Variants in ADK observed in about 807,000 individuals in gnomAD.
ADK encodes the protein N6,N6-dimethyladenosine kinase.
In ADK, 24 loss-of-function variants were observed where a neutral mutation model predicts 44.7. That is an observed-to-expected ratio of 0.54 (90% CI 0.39 to 0.76). The LOEUF (loss-of-function observed/expected upper bound fraction) is 0.76, where lower values mean the gene tolerates loss of function less well. ADK is among the 30% of genes least tolerant of loss of function. The pLI, the probability that ADK is intolerant of heterozygous loss-of-function variation, is 0.00. For synonymous variants in ADK, 128 were observed against 142.6 expected (o/e 0.90, Z 0.73); for missense variants, 321 against 425.1 (o/e 0.76, Z 2.15).
rs1049211954 is a variant in ADK at position 74,666,935 on chromosome 10, A to T, written c.878-3248A>T. The stretch of plus-strand genomic sequence containing the variant: ...AACCTCCGCCTCCCAGATTCAAGTG[A>T]TTCTCGTGCCTCAGCCTCCCAGGTA... On this transcript the variant is annotated intron_variant, in intron 9 of 10. Transcript: ENST00000539909. Among the ~76,000 whole-genome samples the T allele has an allele frequency of 4.0e-5, 6 of 148,544 alleles. No individual in the cohort carries two copies. The South Asian group carries it at 1.1e-3, about 26-fold the overall frequency.
chr10:74,600,516 G>C, intron 9 of ADK, 23 bp downstream of exon 9: 1 of 1,508,786 alleles, frequency 6.6e-7, no homozygotes, highest in East Asian at 2.3e-5. Context: ...AATGTGTGAT[G>C]AATCTAGTAT....
intron 6 of ADK, among the ~76,000 whole-genome samples, chr10:74,482,840 G>T (rs543418792): frequency 3.3e-5 from 5 of 152,334 alleles, no homozygotes; most frequent in Admixed American, 3.3e-4. Flanking sequence ...CTGATGCAAC[G>T]AGTAGGCTCC....
intron 4 of ADK, among the ~76,000 whole-genome samples, chr10:74,385,492 G>A (rs1342049054): frequency 6.6e-6 from 1 of 152,142 alleles, no homozygotes; most frequent in Non-Finnish European, 1.5e-5. Flanking sequence ...CTAAGGAATG[G>A]GGAGAAGGAA....
intron 4 of ADK, among the ~76,000 whole-genome samples, chr10:74,318,001 T>C (rs1032061503): frequency 3.3e-5 from 5 of 152,014 alleles, no homozygotes; most frequent in African/African-American, 1.2e-4. Flanking sequence ...AGGATGGTCT[T>C]GATCTCTTGA....
intron 1 of ADK, among the ~76,000 whole-genome samples, chr10:74,196,079 C>T (rs189968351): frequency 7.3e-5 from 11 of 150,908 alleles, no homozygotes; most frequent in African/African-American, 2.7e-4. Flanking sequence ...GCTGGGATTA[C>T]AGGTGTGAGC....
chr10:74,198,278 G>A (rs1423617202), intron 1 of ADK, among the ~76,000 whole-genome samples: 1 of 152,088 alleles, frequency 6.6e-6, no homozygotes, highest in African/African-American at 2.4e-5. Flanking sequence ...TATTAGACTT[G>A]CTTTGATCAC....
intron 10 of ADK, among the ~76,000 whole-genome samples, chr10:74,702,149 AG>A (rs1242703779): frequency 6.6e-6 from 1 of 151,044 alleles, no homozygotes; most frequent in Non-Finnish European, 1.5e-5. Context: ...TCAATCTGGG[AG>A]GGGGTTGGGA....
intron 6 of ADK, among the ~76,000 whole-genome samples, chr10:74,401,471 T>G (rs1311631529): frequency 1.3e-5 from 2 of 152,254 alleles, no homozygotes; most frequent in East Asian, 3.8e-4. Context: ...TCTTGTTGCA[T>G]TGATCCCTTT....
intron 3 of ADK, among the ~76,000 whole-genome samples, chr10:74,266,776 G>A (rs1329533561): frequency 6.6e-6 from 1 of 152,056 alleles, no homozygotes. Context: ...TTTAAAGGTT[G>A]TATATAAAAA....
At chr10:74,567,626 G>T (rs16931527) in intron 7 of ADK, among the ~76,000 whole-genome samples, 1,807 of 148,806 alleles carry the variant, frequency 0.012, 41 homozygotes, top group African/African-American at 0.043. Flanking sequence ...GTGCCCATTT[G>T]TTGAGACTTT....
chr10:74,345,269 CT>C (rs1841725362), intron 4 of ADK, among the ~76,000 whole-genome samples: 1 of 149,390 alleles, frequency 6.7e-6, no homozygotes, highest in African/African-American at 2.5e-5. Flanking sequence ...AATATAGCCA[CT>C]TTGTCTTTCT....
intron 4 of ADK, among the ~76,000 whole-genome samples, chr10:74,336,223 T>C (rs1229926800): frequency 6.6e-6 from 1 of 152,156 alleles, no homozygotes; most frequent in Non-Finnish European, 1.5e-5. Flanking sequence ...TGATTATTGT[T>C]TTTTGCTATT....
chr10:74,438,222 C>A (rs926096304), intron 6 of ADK, among the ~76,000 whole-genome samples: 3 of 149,344 alleles, frequency 2.0e-5, no homozygotes, highest in Non-Finnish European at 4.4e-5. Context: ...AGGTCCTTGC[C>A]TCTCTCTCTC....
At chr10:74,598,411 T>C (rs918240326) in intron 8 of ADK, among the ~76,000 whole-genome samples, 3 of 151,548 alleles carry the variant, frequency 2.0e-5, no homozygotes, top group African/African-American at 7.3e-5. Flanking sequence ...TCTCACAGGG[T>C]TGGTAGAAAG....
Position 74,494,697 on chromosome 10 carries a change from C to G in ADK, c.556-30559C>G, listed in dbSNP as rs564589581. Among the ~76,000 whole-genome samples, 4 of 152,082 alleles carry G rather than the reference C, an allele frequency of 2.6e-5. No homozygotes were observed. In the East Asian group the frequency reaches 7.7e-4, roughly 29 times the overall value. ...TTTGTTTTTGAGATATAGTCTCACT[C>G]TGTTGCCCAGGCTGGAGTGCAGTGG... On this transcript the variant is annotated intron_variant, in intron 6 of 10. Coordinates refer to ENST00000539909, the MANE Select transcript of ADK (RefSeq NM_006721.4).
intron 10 of ADK, among the ~76,000 whole-genome samples, chr10:74,688,354 CA>C (rs1439699543): frequency 2.6e-5 from 4 of 152,164 alleles, no homozygotes; most frequent in Admixed American, 1.3e-4. Context: ...TTCAGAAGAA[CA>C]GGAACTGTAA....
In ADK at chr10:74,708,559, T is replaced by C. The variant is rs560409958; in HGVS notation, c.*114T>C. 8.3e-6 allele frequency: 10 copies of C among 1,202,172 alleles called. No homozygotes were observed. The highest frequency in any genetic ancestry group is 2.4e-4 in the Middle Eastern group (1 of 4,196). 74.5% of individuals were successfully genotyped at this position (1,202,172 alleles called of 1,614,324 possible). A position where few individuals can be genotyped will look rare whatever the true frequency, so the allele number is the denominator to read the frequency against. On this transcript the variant is annotated 3_prime_UTR_variant, in exon 11 of 11. Transcript: ENST00000539909. ...CTGCCATTTTTTCCTACTATAATAA[T>C]GCTGAATCTTAATTTAGAGGGTACA...
At chr10:74,469,731 T>G (rs1846490360) in intron 6 of ADK, among the ~76,000 whole-genome samples, 1 of 152,202 alleles carries the variant, frequency 6.6e-6, no homozygotes, top group South Asian at 2.1e-4. Flanking sequence ...GCAATAGATT[T>G]CTTGTACAAA....
At chr10:74,305,474 C>T (rs1053437367) in intron 3 of ADK, among the ~76,000 whole-genome samples, 3 of 152,082 alleles carry the variant, frequency 2.0e-5, no homozygotes, top group Non-Finnish European at 4.4e-5. Flanking sequence ...TTCTTCCTCC[C>T]TTACCCCCAC....
Sources: allele counts gnomAD v4.1 joint callset (sites outside exome capture counted in the v4.1 genomes callset), GRCh38; gene constraint gnomAD v4.1.1; transcripts MANE v1.5; gene names NCBI Gene and HGNC (gene_info 2026-07-23, HGNC 2026-07-21).